The following PRDM5 variants were observed in gnomAD, a reference collection of about 807,000 sequenced individuals.
The protein encoded by PRDM5 is PR/SET domain 5, also known as PR domain zinc finger protein 5.
Under a neutral mutation model 81.2 loss-of-function variants are expected in PRDM5, and 56 were observed. That is an observed-to-expected ratio of 0.69 (90% CI 0.56 to 0.86). PRDM5 has a LOEUF of 0.86. Ranked by LOEUF, PRDM5 falls within the 40% of genes least tolerant of loss-of-function variation. PRDM5 has a pLI of 0.00. For missense variants in PRDM5, 697 were observed against 770.1 expected (o/e 0.91, Z 1.12); for synonymous variants, 267 against 256.4 (o/e 1.04, Z -0.39).
chr4:120,819,148 G>A (rs182496481), intron 4 of PRDM5, among the ~76,000 whole-genome samples: 58 of 152,316 alleles, frequency 3.8e-4, no homozygotes, highest in Non-Finnish European at 5.7e-4. Context: ...AGAGACAACT[G>A]TCATAATATT....
At chr4:120,735,261 G>T (rs1483476419) in intron 14 of PRDM5, among the ~76,000 whole-genome samples, 1 of 152,156 alleles carries the variant, frequency 6.6e-6, no homozygotes, top group African/African-American at 2.4e-5. Context: ...TTACACTACA[G>T]GGAACTGATT....
intron 2 of PRDM5, among the ~76,000 whole-genome samples, chr4:120,889,439 GT>G (rs1028525928): frequency 1.3e-5 from 2 of 151,840 alleles, no homozygotes; most frequent in African/African-American, 4.8e-5. Context: ...CTCCAGTTTT[GT>G]TTTTTTACTT....
chr4:120,848,296 C>T (rs111580851), intron 3 of PRDM5, among the ~76,000 whole-genome samples: 5 of 152,056 alleles, frequency 3.3e-5, no homozygotes, highest in Admixed American at 2.0e-4. Context: ...ATATCTAATA[C>T]CAAGTTCAGA....
At chr4:120,758,152 A>G (rs1454805067) in intron 13 of PRDM5, among the ~76,000 whole-genome samples, 3 of 152,192 alleles carry the variant, frequency 2.0e-5, no homozygotes, top group African/African-American at 4.8e-5. Context: ...TGCAAATGGC[A>G]TATCATGGAA....
At chr4:120,877,389 TG>T (rs1366427714) in intron 2 of PRDM5, among the ~76,000 whole-genome samples, 1 of 152,242 alleles carries the variant, frequency 6.6e-6, no homozygotes, top group Non-Finnish European at 1.5e-5. Flanking sequence ...GTTATTTATT[TG>T]GCCAGCTGCT....
intron 14 of PRDM5, among the ~76,000 whole-genome samples, chr4:120,741,354 C>T (rs1741908147): frequency 6.6e-6 from 1 of 151,954 alleles, no homozygotes; most frequent in African/African-American, 2.4e-5. Context: ...CAACATCATG[C>T]TTACACTCAC....
intron 1 of PRDM5, among the ~76,000 whole-genome samples, chr4:120,919,835 T>G (rs1579247604): frequency 6.6e-6 from 1 of 152,198 alleles, no homozygotes; most frequent in Non-Finnish European, 1.5e-5. Context: ...TTATTCTGAT[T>G]ATTAGCAAAT....
chr4:120,869,773 A>C (rs1402603697), intron 2 of PRDM5, among the ~76,000 whole-genome samples: 1 of 152,172 alleles, frequency 6.6e-6, no homozygotes, highest in Admixed American at 6.5e-5. Flanking sequence ...GAAATTGAAC[A>C]AGGTGTCTTT....
At chr4:120,892,418 C>T (rs1174555551) in intron 2 of PRDM5, among the ~76,000 whole-genome samples, 1 of 152,148 alleles carries the variant, frequency 6.6e-6, no homozygotes, top group African/African-American at 2.4e-5. Flanking sequence ...GCGTTGAAGT[C>T]TCCCAGTATT....
At chr4:120,911,234 G>GAT (rs902674230) in intron 1 of PRDM5, among the ~76,000 whole-genome samples, 12 of 152,182 alleles carry the variant, frequency 7.9e-5, no homozygotes, top group Non-Finnish European at 1.6e-4. Context: ...AATGTTGCCA[G>GAT]ATATATACAT....
At chr4:120,891,850 G>A (rs1330486922) in intron 2 of PRDM5, among the ~76,000 whole-genome samples, 11 of 152,006 alleles carry the variant, frequency 7.2e-5, no homozygotes, top group Admixed American at 3.9e-4. Flanking sequence ...GGCTGTTCTC[G>A]AACTCCTGAC....
rs117762428 is a variant in PRDM5, at chr4:120,738,983, A to G, written c.1623+15570T>C. Among the ~76,000 whole-genome samples, 21 of 152,184 alleles carry G rather than the reference A, an allele frequency of 1.4e-4. No individual in the cohort carries two copies. The East Asian group carries it at 3.3e-3, about 24-fold the overall frequency. ...GGGTTCTGCAACAGTTTTCACTTGG[A>G]GTCTTTCTTGCAGTTGCAGTCAGTT... On this transcript the variant is annotated intron_variant, in intron 14 of 15. Transcript: ENST00000264808.
intron 3 of PRDM5, among the ~76,000 whole-genome samples, chr4:120,824,579 G>A (rs1284982115): frequency 6.6e-6 from 1 of 152,050 alleles, no homozygotes. Context: ...AGAATGAATG[G>A]TTTTACAATT....
chr4:120,846,322 G>A (rs1195124265), intron 3 of PRDM5, among the ~76,000 whole-genome samples: 1 of 152,176 alleles, frequency 6.6e-6, no homozygotes, highest in South Asian at 2.1e-4. Flanking sequence ...GTCAATTGAT[G>A]CAGCAAACTT....
chr4:120,700,953 T>C (rs886870002), intron 15 of PRDM5, among the ~76,000 whole-genome samples: 2 of 151,994 alleles, frequency 1.3e-5, no homozygotes, highest in African/African-American at 4.8e-5. Context: ...GGAGAAACCC[T>C]GTCTCTACTA....
At chr4:120,817,090 C>T (rs192657163) in intron 5 of PRDM5, among the ~76,000 whole-genome samples, 166 bp from the exon 6 acceptor site, 13 of 152,290 alleles carry the variant, frequency 8.5e-5, no homozygotes, top group Admixed American at 2.0e-4. Flanking sequence ...AGCTCTTGCT[C>T]AGCAGTGTCT....
downstream of PRDM5, among the ~76,000 whole-genome samples, chr4:120,687,491 T>C (rs1184545349): frequency 2.0e-5 from 3 of 152,274 alleles, no homozygotes; most frequent in Non-Finnish European, 2.9e-5. Context: ...TATTATTCCA[T>C]TGTAGGTGTA....
chr4:120,722,988 T>C (rs1738854944), intron 14 of PRDM5, among the ~76,000 whole-genome samples: 1 of 152,238 alleles, frequency 6.6e-6, no homozygotes, highest in African/African-American at 2.4e-5. Flanking sequence ...TGTGACTTAA[T>C]ATAAATCCTC....
chr4:120,779,052 T>A (rs2149232567), intron 12 of PRDM5, among the ~76,000 whole-genome samples: 1 of 152,268 alleles, frequency 6.6e-6, no homozygotes, highest in Admixed American at 6.5e-5. Context: ...ATTTATAAAA[T>A]CACAGCATTT....
Sources: allele counts gnomAD v4.1 joint callset (sites outside exome capture counted in the v4.1 genomes callset), GRCh38; gene constraint gnomAD v4.1.1; transcripts MANE v1.5; gene names NCBI Gene and HGNC (gene_info 2026-07-23, HGNC 2026-07-21).